The following NTRK2 variants were observed in gnomAD, a reference collection of about 807,000 sequenced individuals.
The protein encoded by NTRK2 is neurotrophic receptor tyrosine kinase 2.
In NTRK2, 13 loss-of-function variants were observed where a neutral mutation model predicts 94.5. The observed-to-expected ratio is 0.14, with a 90% confidence interval of 0.09 to 0.22. The LOEUF is 0.22. NTRK2 is among the 10% of genes least tolerant of loss of function. The pLI, the probability that NTRK2 is intolerant of heterozygous loss-of-function variation, is 1.00. For synonymous variants in NTRK2, 372 were observed against 407.4 expected, an observed-to-expected ratio of 0.91 and a Z score of 1.05; for missense variants, 639 against 1,071.2, an observed-to-expected ratio of 0.60 and a Z score of 5.63.
intron 2 of NTRK2, among the ~76,000 whole-genome samples, chr9:84,676,316 G>A (rs1408849913): frequency 1.3e-5 from 2 of 152,204 alleles, no homozygotes; most frequent in African/African-American, 4.8e-5. Flanking sequence ...CAAGGTGCTC[G>A]GGGTCTGGCA....
intron 14 of NTRK2, chr9:84,872,614 TC>T (rs1340252902): frequency 8.2e-5 from 87 of 1,063,132 alleles, no homozygotes; most frequent in Non-Finnish European, 9.9e-5. Context: ...TTTTTTTTTT[TC>T]AACTTAATTC....
At chr9:84,961,389 T>C (rs1372277518) in intron 17 of NTRK2, among the ~76,000 whole-genome samples, 2 of 152,254 alleles carry the variant, frequency 1.3e-5, no homozygotes, top group Admixed American at 6.5e-5. Context: ...GTTTATTTTA[T>C]GAAATCATCT....
chr9:84,720,755 A>G (rs1216948882), intron 6 of NTRK2, among the ~76,000 whole-genome samples: 2 of 152,202 alleles, frequency 1.3e-5, no homozygotes, highest in East Asian at 1.9e-4. Flanking sequence ...AGAAATCGTA[A>G]GAGACATTGC....
intron 17 of NTRK2, among the ~76,000 whole-genome samples, chr9:84,978,359 T>A (rs1827167937): frequency 6.6e-6 from 1 of 152,102 alleles, no homozygotes; most frequent in African/African-American, 2.4e-5. Context: ...GGGAGAAAGC[T>A]TCAGTGGTCT....
At chr9:84,705,838 G>A (rs1162204824) in intron 4 of NTRK2, among the ~76,000 whole-genome samples, 4 of 143,436 alleles carry the variant, frequency 2.8e-5, no homozygotes, top group African/African-American at 1.0e-4. Context: ...CGCCCAGGCT[G>A]GAGTGCAATG....
intron 2 of NTRK2, among the ~76,000 whole-genome samples, chr9:84,683,659 A>G (rs1212485762): frequency 1.3e-5 from 2 of 152,174 alleles, no homozygotes; most frequent in East Asian, 3.8e-4. Context: ...ATATGTGTGC[A>G]TGTGTCTTTA....
At chr9:84,742,010 C>G in intron 10 of NTRK2, 83 bp downstream of exon 10, 1 of 1,224,540 alleles carries the variant, frequency 8.2e-7, no homozygotes, top group Non-Finnish European at 1.2e-6. Flanking sequence ...GAAGACTCTT[C>G]TAAGCTCAGT....
intron 17 of NTRK2, among the ~76,000 whole-genome samples, chr9:84,960,839 C>T (rs2133044301): frequency 1.3e-5 from 2 of 152,298 alleles, no homozygotes; most frequent in South Asian, 4.1e-4. Flanking sequence ...TCTTACACAT[C>T]TTTGTTTCTG....
chr9:84,863,367 G>T (rs1034734498), intron 13 of NTRK2, among the ~76,000 whole-genome samples: 1 of 152,178 alleles, frequency 6.6e-6, no homozygotes, highest in Non-Finnish European at 1.5e-5. Context: ...TTTTTCAGCT[G>T]AGTAATTAGA....
chr9:84,979,203 G>A (rs1827275298), intron 17 of NTRK2, among the ~76,000 whole-genome samples: 1 of 152,172 alleles, frequency 6.6e-6, no homozygotes, highest in Non-Finnish European at 1.5e-5. Flanking sequence ...GATGGCTCTG[G>A]GCAAAGTCAA....
intron 14 of NTRK2, among the ~76,000 whole-genome samples, chr9:84,894,103 G>C (rs958460030): frequency 2.0e-5 from 2 of 102,296 alleles, no homozygotes; most frequent in Non-Finnish European, 4.0e-5. Flanking sequence ...ACAGGTGCCT[G>C]GCAATTGCAT....
intron 6 of NTRK2, among the ~76,000 whole-genome samples, chr9:84,714,337 A>G (rs914297596): frequency 1.3e-5 from 2 of 152,156 alleles, no homozygotes; most frequent in South Asian, 2.1e-4. Context: ...TGTGAAGCAC[A>G]TGGTTATGTG....
At chr9:84,681,130 A>T (rs116681749) in intron 2 of NTRK2, among the ~76,000 whole-genome samples, 4 of 152,302 alleles carry the variant, frequency 2.6e-5, no homozygotes, top group Non-Finnish European at 4.4e-5. Context: ...CTTTGTGCTA[A>T]TGATGTCCTA....
chr9:84,831,902 A>G (rs1407790070), intron 12 of NTRK2, among the ~76,000 whole-genome samples: 1 of 152,238 alleles, frequency 6.6e-6, no homozygotes, highest in African/African-American at 2.4e-5. Flanking sequence ...CCTCTAAAAA[A>G]GGCAAGATAT....
intron 17 of NTRK2, among the ~76,000 whole-genome samples, chr9:84,983,754 T>G (rs1047261101): frequency 1.3e-5 from 2 of 152,140 alleles, no homozygotes; most frequent in African/African-American, 4.8e-5. Context: ...ACACACAAAT[T>G]ACATGATTTG....
chr9:84,814,834 C>A (rs1308183750), intron 12 of NTRK2: 2 of 1,063,802 alleles, frequency 1.9e-6, no homozygotes, highest in Non-Finnish European at 2.3e-6. Context: ...AGTCTATGTC[C>A]CCAGAGCCCT....
intron 14 of NTRK2, among the ~76,000 whole-genome samples, chr9:84,932,022 C>T (rs1039508089): frequency 6.6e-6 from 1 of 152,120 alleles, no homozygotes; most frequent in Non-Finnish European, 1.5e-5. Context: ...TGATTTTTAT[C>T]ACCCTGAGTT....
At chr9:84,789,594 A>T (rs2133179765) in intron 12 of NTRK2, among the ~76,000 whole-genome samples, 1 of 152,308 alleles carries the variant, frequency 6.6e-6, no homozygotes, top group East Asian at 1.9e-4. Context: ...AGCGTGACCC[A>T]TGGACTTGTT....
chr9:85,025,090 T>C lies in NTRK2; in HGVS notation c.*3653T>C. On this transcript the variant is annotated 3_prime_UTR_variant, in exon 19 of 19. Coordinates refer to ENST00000277120, the MANE Select transcript of NTRK2 (RefSeq NM_006180.6). ...CTGTTTAACGTCATGTTGCTGTTAG[T>C]GCTTCCATACTCCACGTGGGTAGGA... 4.3e-6 allele frequency: 1 copy of C among 233,166 alleles called. No homozygotes were observed. The highest frequency in any genetic ancestry group is 2.2e-5 in the African/African-American group (1 of 45,478). The allele number at this position is 233,166 out of a possible 1,614,324, so 14.4% of individuals were successfully genotyped here.
Sources: allele counts gnomAD v4.1 joint callset (sites outside exome capture counted in the v4.1 genomes callset), GRCh38; gene constraint gnomAD v4.1.1; transcripts MANE v1.5; gene names NCBI Gene and HGNC (gene_info 2026-07-23, HGNC 2026-07-21).